Variants in MYRIP observed in about 807,000 individuals in gnomAD.
MYRIP encodes myosin VIIA and Rab interacting protein.
A neutral mutation model predicts 98.0 loss-of-function variants in MYRIP; 49 were observed. The ratio of observed to expected loss-of-function variants is 0.50; its 90% CI spans 0.40 to 0.63. The LOEUF (loss-of-function observed/expected upper bound fraction) is 0.63. Among genes scored for constraint, MYRIP ranks in the 30% least tolerant of loss-of-function variants. The pLI, the probability that MYRIP is intolerant of heterozygous loss-of-function variation, is 0.00. For synonymous variants in MYRIP, 404 were observed against 409.5 expected, an observed-to-expected ratio of 0.99 and a Z score of 0.16; for missense variants, 1,004 against 1,058.2, an observed-to-expected ratio of 0.95 and a Z score of 0.71.
At chr3:39,904,456 G>A (rs571734862) in intron 2 of MYRIP, among the ~76,000 whole-genome samples, 5 of 152,186 alleles carry the variant, frequency 3.3e-5, no homozygotes, top group Admixed American at 6.5e-5. Flanking sequence ...GGTGGGTCTC[G>A]AACTCCTGAG....
intron 10 of MYRIP, among the ~76,000 whole-genome samples, chr3:40,198,908 A>G (rs1238550427): frequency 2.0e-5 from 3 of 152,216 alleles, no homozygotes; most frequent in African/African-American, 7.2e-5. Flanking sequence ...TTACATAAAT[A>G]TGAACAGGAG....
chr3:40,006,236 A>G (rs369688744), intron 2 of MYRIP, among the ~76,000 whole-genome samples: 33 of 152,360 alleles, frequency 2.2e-4, no homozygotes, highest in African/African-American at 7.2e-4. Flanking sequence ...CATTCAGGAA[A>G]GGTCCTTCTT....
Position 39,882,717 on chromosome 3 carries a change from C to T in MYRIP, c.-30-18070C>T, listed in dbSNP as rs574790689. 1.2e-3 allele frequency among the ~76,000 whole-genome samples: 180 copies of T among 152,172 alleles called. 2 individuals are homozygous for T. In the South Asian group the frequency reaches 0.036, roughly 30 times the overall value. Reference sequence around the variant, plus strand: ...CTGCTTCCTAATGTTATGAGGAATACATTAGTTAAATATGCAATGTGCTTA... The same window carrying T: ...CTGCTTCCTAATGTTATGAGGAATATATTAGTTAAATATGCAATGTGCTTA... On this transcript the variant is annotated intron_variant, in intron 1 of 16. Transcript: ENST00000302541.
intron 1 of MYRIP, among the ~76,000 whole-genome samples, chr3:39,825,007 CTG>C (rs2125577386): frequency 6.6e-6 from 1 of 152,316 alleles, no homozygotes; most frequent in South Asian, 2.1e-4. Context: ...CATTGAGCCA[CTG>C]TGCCCAGCCA....
chr3:40,227,657 C>T (rs991796281), intron 11 of MYRIP, among the ~76,000 whole-genome samples: 5 of 152,106 alleles, frequency 3.3e-5, no homozygotes, highest in Admixed American at 6.5e-5. Flanking sequence ...CTTTGAAATA[C>T]GAAATAGTTA....
Position 40,067,341 on chromosome 3 carries a change from GACTC to G in MYRIP, c.332+23072_332+23075del, listed in dbSNP as rs574035379. Among the ~76,000 whole-genome samples the G allele has an allele frequency of 1.2e-4, 18 of 152,284 alleles. No individual in the cohort carries two copies. The South Asian group carries it at 2.9e-3, about 25-fold the overall frequency. ...AAGAATGAGGTCTGGGTGGGAGAAA[GACTC>G]AGTGGTTTTCAGGGGCTCAATCTAA... On this transcript the variant is annotated intron_variant, in intron 3 of 16. Transcript: ENST00000302541.
In MYRIP at chr3:40,178,740, T is replaced by C. The variant is rs1389721238; in HGVS notation, c.874-3480T>C. Among the ~76,000 whole-genome samples, 4 of 152,178 alleles carry C rather than the reference T, an allele frequency of 2.6e-5. No homozygotes were observed. The South Asian group carries it at 6.2e-4, about 24-fold the overall frequency. On this transcript the variant is annotated intron_variant, in intron 8 of 16. Coordinates refer to ENST00000302541, the MANE Select transcript of MYRIP (RefSeq NM_015460.4). ...TGAGGCTTAGAACAGTTTAAGTTTTTCCAAGATCCCACATAGCAAGAGGAG... is the reference window on the plus strand; with the variant it reads ...TGAGGCTTAGAACAGTTTAAGTTTTCCCAAGATCCCACATAGCAAGAGGAG...
intron 3 of MYRIP, among the ~76,000 whole-genome samples, chr3:40,125,617 C>T (rs1014957495): frequency 4.6e-5 from 7 of 152,168 alleles, no homozygotes; most frequent in African/African-American, 9.7e-5. Context: ...TTAACCATCA[C>T]GCTAGCTATG....
At chr3:40,009,205 C>T (rs1056420527) in intron 2 of MYRIP, among the ~76,000 whole-genome samples, 1 of 151,502 alleles carries the variant, frequency 6.6e-6, no homozygotes, top group African/African-American at 2.4e-5. Flanking sequence ...TAGGCACGGT[C>T]ACCACAGTGG....
chr3:40,076,205 G>C (rs1052364228), intron 3 of MYRIP, among the ~76,000 whole-genome samples: 3 of 151,988 alleles, frequency 2.0e-5, no homozygotes, highest in Non-Finnish European at 2.9e-5. Flanking sequence ...GCAAGACCCT[G>C]TCTCAAAAAA....
intron 11 of MYRIP, among the ~76,000 whole-genome samples, chr3:40,219,547 A>T (rs1028216333): frequency 6.6e-6 from 1 of 150,838 alleles, no homozygotes; most frequent in Non-Finnish European, 1.5e-5. Context: ...ATGTGTTCTC[A>T]TTGTTCAATT....
At chr3:39,967,087 T>C (rs1575421210) in intron 2 of MYRIP, among the ~76,000 whole-genome samples, 1 of 152,226 alleles carries the variant, frequency 6.6e-6, no homozygotes, top group Non-Finnish European at 1.5e-5. Context: ...GGGCAGACAG[T>C]ATATGTAAAT....
intron 2 of MYRIP, among the ~76,000 whole-genome samples, chr3:39,922,996 A>C (rs1301117011): frequency 2.6e-5 from 4 of 152,232 alleles, no homozygotes; most frequent in Non-Finnish European, 5.9e-5. Context: ...TTAACGAGGA[A>C]GTACAAAGTC....
At chr3:40,088,112 C>T (rs1948666059) in intron 3 of MYRIP, among the ~76,000 whole-genome samples, 1 of 152,100 alleles carries the variant, frequency 6.6e-6, no homozygotes, top group African/African-American at 2.4e-5. Flanking sequence ...AGCCAATAAG[C>T]AGTGATGCTG....
intron 2 of MYRIP, chr3:39,970,305 A>G (rs535537410): frequency 1.3e-5 from 2 of 152,258 alleles, no homozygotes; most frequent in African/African-American, 4.8e-5. Flanking sequence ...ATTCAATATA[A>G]TAACTGCTAC....
chr3:39,839,147 C>A (rs1941719190), intron 1 of MYRIP, among the ~76,000 whole-genome samples: 2 of 151,964 alleles, frequency 1.3e-5, no homozygotes, highest in African/African-American at 4.8e-5. Context: ...CTCCTGGATT[C>A]ATTGATTTTT....
At chr3:40,169,212 A>G (rs1008145854) in intron 7 of MYRIP, among the ~76,000 whole-genome samples, 1 of 152,056 alleles carries the variant, frequency 6.6e-6, no homozygotes, top group Non-Finnish European at 1.5e-5. Context: ...GCTGGGCAAC[A>G]TGGCTGGGTC....
intron 1 of MYRIP, among the ~76,000 whole-genome samples, chr3:39,884,084 A>G (rs550019947): frequency 6.6e-6 from 1 of 152,282 alleles, no homozygotes; most frequent in East Asian, 1.9e-4. Flanking sequence ...CCTTAAAAGC[A>G]ACCAGAGAAC....
intron 2 of MYRIP, among the ~76,000 whole-genome samples, chr3:39,906,003 T>G (rs957482610): frequency 6.6e-6 from 1 of 152,076 alleles, no homozygotes; most frequent in African/African-American, 2.4e-5. Context: ...CTGGGGAGCG[T>G]GCAGAGGTGG....
Sources: gnomAD v4.1 joint callset for allele counts (sites outside exome capture counted in the v4.1 genomes callset) on GRCh38, gnomAD v4.1.1 for gene constraint, MANE v1.5 for transcripts, NCBI Gene and HGNC (gene_info 2026-07-23, HGNC 2026-07-21) for gene names.